Variants in CHD4 observed in about 807,000 individuals in gnomAD.
The protein encoded by CHD4 is chromodomain helicase DNA binding protein 4.
CHD4 carries 35 observed loss-of-function variants against 235.5 expected under a neutral mutation model. That is an observed-to-expected ratio of 0.15 (90% confidence interval 0.11 to 0.20). CHD4 has a LOEUF of 0.20. Ranked by LOEUF, CHD4 falls within the 10% of genes least tolerant of loss-of-function variation. The probability of loss-of-function intolerance (pLI) is 1.00; values close to 1 mark genes in which losing one functional copy is unlikely to be tolerated. For synonymous variants in CHD4, 900 were observed against 850.2 expected (o/e 1.06, Z -1.02); for missense variants, 1,329 against 2,432.3 (o/e 0.55, Z 9.54).
At chr12:6,576,272 G>A (rs980146660) in intron 37 of CHD4, among the ~76,000 whole-genome samples, 3 of 152,124 alleles carry the variant, frequency 2.0e-5, no homozygotes, top group African/African-American at 4.8e-5. Flanking sequence ...CAGGAAAATC[G>A]CTTGAACCCG....
rs1449749952 is a variant in CHD4 at position 6,578,532 on chromosome 12, C to T, written c.4996G>A (p.Glu1666Lys). 1.2e-6 allele frequency: 2 copies of T among 1,610,778 alleles called. No individual in the cohort carries two copies. The highest frequency in any genetic ancestry group is 1.1e-5 in the South Asian group (1 of 90,686). Residue 1666 changes from glutamate to lysine, a missense_variant, in exon 35 of 40, where the codon GAA (glutamate) becomes AAA (lysine). Transcript: ENST00000544040. ...AGCATCACCTCTTTTTTCTCTTCTT[C>T]TTCTTTCTTCTCTTCTACAGAATAT... ...VVEDKEEKKE[E>K]EEKKEVMLQN...
chr12:6,584,345 G>A (rs1221745579), intron 25 of CHD4: 1 of 152,098 alleles, frequency 6.6e-6, no homozygotes, highest in Non-Finnish European at 1.5e-5. Flanking sequence ...CCCCAAGAAG[G>A]GAACTAAATT....
rs1212505571 is a variant in CHD4 at position 6,588,316 on chromosome 12, G to A, written c.3447C>T (p.Asn1149=). 2 of 1,614,080 alleles carry A rather than the reference G, an allele frequency of 1.2e-6. No individual in the cohort carries two copies. The highest frequency in any genetic ancestry group is 2.2e-5 in the South Asian group (2 of 91,078). The part of the protein sequence containing the change: ...DTVIIYDSDW[N]PHNDIQAFSR... ...TGCTCACCTGAATGTCATTATGGGG[G>A]TTCCAGTCAGAGTCATAGATAATAA... Residue 1149 remains asparagine, a synonymous_variant, in exon 23 of 40, where the codon AAC becomes AAT. Transcript: ENST00000544040.
intron 11 of CHD4, 37 bp downstream of exon 11, chr12:6,598,185 T>G: frequency 6.2e-7 from 1 of 1,609,360 alleles, no homozygotes; most frequent in Non-Finnish European, 8.5e-7. Flanking sequence ...ATCCTCTTCA[T>G]CGTAGCCCCT....
Position 6,601,047 on chromosome 12 carries a change from T to C in CHD4, c.806A>G (p.Asn269Ser), listed in dbSNP as rs145435159. 22 of 1,571,262 alleles carry C rather than the reference T, an allele frequency of 1.4e-5. No individual in the cohort carries two copies. Among genetic ancestry groups the C allele is most frequent in the Non-Finnish European group, 1.5e-5 (18 of 1,163,306 alleles). ...KAKTKEGKGPNARRKPKGSPR... is the reference protein window; with the variant it reads ...KAKTKEGKGPSARRKPKGSPR... ...GCTGCCCTTGGGCTTCCTCCGAGCA[T>C]TGGGACCTAAAATCAGGATATATCC... The change falls in exon 7 of 40, where the codon AAT becomes AGT. Residue 269 changes from asparagine (N) to serine (S), a missense_variant. By Grantham distance (46) the Asn-to-Ser change is conservative. Coordinates refer to ENST00000544040, the MANE Select transcript of CHD4 (RefSeq NM_001273.5).
chr12:6,584,139 G>A (rs990298214), intron 25 of CHD4: 7 of 151,998 alleles, frequency 4.6e-5, no homozygotes, highest in African/African-American at 1.7e-4. Flanking sequence ...AACATTTACA[G>A]ACTTTTTTCT....
At chr12:6,582,387 C>A (rs530232310) in intron 29 of CHD4, 106 bp from the exon 30 acceptor site, 289 of 1,406,190 alleles carry the variant, frequency 2.1e-4, no homozygotes, top group Non-Finnish European at 2.4e-4. Context: ...ATGGCTCCAC[C>A]TTGAGGTAAA....
chr12:6,594,393 A>G (rs1391785120), intron 15 of CHD4, 66 bp downstream of exon 15: 1 of 1,433,452 alleles, frequency 7.0e-7, no homozygotes, highest in Non-Finnish European at 9.5e-7. Flanking sequence ...CTCTCTACTC[A>G]GTGTAAGTTA....
intron 3 of CHD4, 56 bp from the exon 4 acceptor site, chr12:6,602,231 C>A: frequency 4.4e-6 from 7 of 1,603,440 alleles, no homozygotes; most frequent in Non-Finnish European, 6.0e-6. Context: ...TACACACATG[C>A]TGACCTCAGG....
rs769017025 is a variant in CHD4, at chr12:6,602,121, C to T, written c.277G>A (p.Val93Met). Residue 93 changes from valine (V) to methionine (M), a missense_variant, in exon 4 of 40, where the codon GTG becomes ATG. Physicochemically the swap from Val to Met is conservative, Grantham distance 21 (BLOSUM62 1). Around this residue, in one of 26 missense-constraint regions of CHD4, gnomAD observed 213 missense variants for 177.5 expected, o/e 1.20. Coordinates refer to ENST00000544040, the MANE Select transcript of CHD4 (RefSeq NM_001273.5). ...GDSSGEGPEF[V>M]EEEEEVALRS... ...AGAGCCACCTCTTCCTCCTCCTCCACAAACTCTGGCCCCTCCCCAGAGCTG... is the reference window on the plus strand; with the variant it reads ...AGAGCCACCTCTTCCTCCTCCTCCATAAACTCTGGCCCCTCCCCAGAGCTG... 6.2e-7 allele frequency: 1 copy of T among 1,613,782 alleles called. No individual in the cohort carries two copies. The highest frequency in any genetic ancestry group is 8.5e-7 in the Non-Finnish European group (1 of 1,179,948).
chr12:6,570,714 A>G (rs1276303873), intron 39 of CHD4, 21 bp from the exon 40 acceptor site: 1 of 1,614,140 alleles, frequency 6.2e-7, no homozygotes, highest in East Asian at 2.2e-5. Context: ...AGACCCGAGG[A>G]GTCAGAATTC....
chr12:6,593,318 G>A lies in CHD4; in HGVS notation c.2515-90C>T. ...GATGGAATGTTTTCCTCCTCCCAGG[G>A]TTACCCTTTTGCCTCACCAGGGACC... On this transcript the variant is annotated intron_variant, in intron 16 of 39. Coordinates refer to ENST00000544040, the MANE Select transcript of CHD4 (RefSeq NM_001273.5). This position sits in a 1 kb window ranked among gnomAD's most constrained non-coding sequence, Gnocchi z 4.9. 3.1e-6 allele frequency: 5 copies of A among 1,599,970 alleles called. No individual in the cohort carries two copies. Among genetic ancestry groups the A allele is most frequent in the East Asian group, 2.2e-5 (1 of 44,770 alleles).
At position 6,577,438 on chromosome 12, in the gene CHD4, AAC is replaced by A. The variant is rs1417011604; in HGVS notation, c.5361+345_5361+346del. 4.8e-5 allele frequency among the ~76,000 whole-genome samples: 7 copies of A among 146,272 alleles called. No homozygotes were observed. The East Asian group carries it at 5.8e-4, about 12-fold the overall frequency. On this transcript the variant is annotated intron_variant, in intron 37 of 39. Coordinates refer to ENST00000544040, the MANE Select transcript of CHD4 (RefSeq NM_001273.5). ...GCCTCAAAAAAAAAAAAAAAAAAAA[AAC>A]AACCAGCAGCCCACTGACTAATAGC...
At chr12:6,588,537 G>A (rs949050025) in intron 22 of CHD4, 115 bp from the exon 23 acceptor site, 4 of 1,159,068 alleles carry the variant, frequency 3.5e-6, no homozygotes, top group Non-Finnish European at 4.8e-6. Flanking sequence ...CAGCACTTTG[G>A]GAGGCAGAGA....
rs2136208707 is a variant in CHD4, at chr12:6,587,484, C to T, written c.3779G>A (p.Arg1260His). 6.2e-7 allele frequency: 1 copy of T among 1,614,170 alleles called. No individual in the cohort carries two copies. The highest frequency in any genetic ancestry group is 8.5e-7 in the Non-Finnish European group (1 of 1,180,030). The change falls in exon 25 of 40, where the codon CGT (arginine) becomes CAT (histidine). Residue 1260 changes from arginine (R) to histidine (H), a missense_variant. Physicochemically the swap from Arg to His is conservative, Grantham distance 29. Around this residue, in one of 26 missense-constraint regions of CHD4, gnomAD observed 21 missense variants for 53.5 expected, o/e 0.39. Transcript: ENST00000544040. Reference protein sequence around the residue: ...DDKAIERLLDRNQDETEDTEL... With the variant: ...DDKAIERLLDHNQDETEDTEL... ...TGTGTCTTCAGTCTCATCCTGGTTA[C>T]GGTCTAGCAGCCGTTCAATGGCCTT...
At chr12:6,599,748 GC>G in intron 10 of CHD4, 24 bp downstream of exon 10, 1 of 1,605,098 alleles carries the variant, frequency 6.2e-7, no homozygotes, top group Non-Finnish European at 8.5e-7. Context: ...CCCATTTTTT[GC>G]CCCGGCTGAG....
intron 22 of CHD4, among the ~76,000 whole-genome samples, chr12:6,590,895 T>C (rs1336603981): frequency 4.0e-5 from 6 of 150,974 alleles, no homozygotes; most frequent in African/African-American, 1.5e-4. Context: ...GAGGCCGAGG[T>C]GGGCGGATCA....
chr12:6,581,695 A>G lies in CHD4; in HGVS notation c.4635T>C (p.Thr1545=), dbSNP rs148990354. 1.3e-4 allele frequency: 210 copies of G among 1,610,578 alleles called. No homozygotes were observed. The highest frequency in any genetic ancestry group is 3.3e-4 in the Middle Eastern group (2 of 6,066). ...GAGTGTTGGGCTGCGTGTCCCCTGG[A>G]GTGGAGGGTGTAGGAGTTTTTGGGG... The part of the protein sequence containing the change: ...SPSPKTPTPS[T]PGDTQPNTPA... Residue 1545 remains threonine, a synonymous_variant, in exon 31 of 40, where the codon ACT becomes ACC. Coordinates refer to ENST00000544040, the MANE Select transcript of CHD4 (RefSeq NM_001273.5).
chr12:6,591,276 A>G, intron 22 of CHD4, 190 bp downstream of exon 22: 1 of 549,962 alleles, frequency 1.8e-6, no homozygotes, highest in East Asian at 3.0e-5. Flanking sequence ...AAGAACAAAT[A>G]CCCCAAAAGA....
Sources: gnomAD v4.1 joint callset for allele counts (sites outside exome capture counted in the v4.1 genomes callset) on GRCh38, gnomAD v4.1.1 for gene constraint, gnomAD v4.1.1 regional missense constraint, Gnocchi (gnomAD v3.1) non-coding constraint, MANE v1.5 for transcripts, NCBI Gene and HGNC (gene_info 2026-07-23, HGNC 2026-07-21) for gene names.